The following ERG variants were observed in gnomAD, a reference collection of about 807,000 sequenced individuals.
The protein encoded by ERG is ETS transcription factor ERG.
ERG carries 9 observed loss-of-function variants against 55.3 expected under a neutral mutation model. The ratio of observed to expected loss-of-function variants is 0.16; its 90% CI spans 0.10 to 0.28. ERG has a LOEUF of 0.28. ERG is among the 10% of genes least tolerant of loss of function. The pLI, the probability that ERG is intolerant of heterozygous loss-of-function variation, is 1.00. For missense variants in ERG, 434 were observed against 631.6 expected (o/e 0.69, Z 3.35); for synonymous variants, 223 against 237.3 (o/e 0.94, Z 0.55).
At chr21:38,623,394 G>T (rs1474293885) in intron 1 of ERG, among the ~76,000 whole-genome samples, 4 of 151,846 alleles carry the variant, frequency 2.6e-5, no homozygotes, top group African/African-American at 9.7e-5. Context: ...TAAACATAAA[G>T]GAAATGAACA....
intron 2 of ERG, among the ~76,000 whole-genome samples, chr21:38,507,808 C>T (rs2059475122): frequency 6.6e-6 from 1 of 152,146 alleles, no homozygotes; most frequent in Non-Finnish European, 1.5e-5. Flanking sequence ...AAAGCACCAG[C>T]CAGTCCCTCA....
rs772324556 is a variant in ERG, at chr21:38,498,129, C to A, written c.18+234G>T. Among the ~76,000 whole-genome samples the A allele has an allele frequency of 1.3e-5, 2 of 152,300 alleles. No homozygotes were observed. The highest frequency in any genetic ancestry group is 1.9e-4 in the East Asian group (1 of 5,184). ...CTTTCCAAAAGTAATCCACAGCACT[C>A]AACAGTGAATTTAGAAACCCCAATT... On this transcript the variant is annotated intron_variant, in intron 1 of 9. Transcript: ENST00000288319. This position sits in a 1 kb window ranked among gnomAD's most constrained non-coding sequence, Gnocchi z 4.6.
intron 2 of ERG, among the ~76,000 whole-genome samples, chr21:38,424,125 G>C (rs1989686470): frequency 6.6e-6 from 1 of 151,944 alleles, no homozygotes; most frequent in Non-Finnish European, 1.5e-5. Context: ...ATGAGGTCAT[G>C]AGGGTAGAGT....
In ERG at chr21:38,382,568, C is replaced by A. The variant is rs1262298566; in HGVS notation, c.*835G>T. ...AACACTGGGTTTGGTATAACACTGA[C>A]TGCATGAACCCTCGAGTCTCCATAA... is the stretch of plus-strand genomic sequence containing the variant. On this transcript the variant is annotated 3_prime_UTR_variant, in exon 10 of 10. Transcript: ENST00000288319. 1 of 1,066,022 alleles carries A rather than the reference C, an allele frequency of 9.4e-7. No individual in the cohort carries two copies. Among genetic ancestry groups the A allele is most frequent in the East Asian group, 5.0e-5 (1 of 20,100 alleles). The allele number at this position is 1,066,022 out of a possible 1,614,324, so 66.0% of individuals were successfully genotyped here. A position where few individuals can be genotyped will look rare whatever the true frequency, so the allele number is the denominator to read the frequency against.
In ERG at chr21:38,423,115, G is replaced by GTGTA. The variant is rs1555896607; in HGVS notation, c.388+294_388+295insTACA. ...TGTGTGTGTGTGTGTGTGTGTGTGT[G>GTGTA]TGTGTGTGTATTTTTCTCTATGTGG... On this transcript the variant is annotated intron_variant, in intron 3 of 9. Transcript: ENST00000288319. 5.7e-3 allele frequency among the ~76,000 whole-genome samples: 862 copies of GTGTA among 151,212 alleles called. 18 individuals carry two copies. The highest frequency in any genetic ancestry group is 0.019 in the African/African-American group (775 of 40,756).
chr21:38,435,414 T>G (rs1398719407), intron 2 of ERG, among the ~76,000 whole-genome samples: 1 of 152,212 alleles, frequency 6.6e-6, no homozygotes, highest in African/African-American at 2.4e-5. Flanking sequence ...TCAGACCCCA[T>G]GGCTGGAGCA....
chr21:38,625,670 A>G (rs914794738), intron 1 of ERG, among the ~76,000 whole-genome samples: 1 of 152,210 alleles, frequency 6.6e-6, no homozygotes, highest in Non-Finnish European at 1.5e-5. Flanking sequence ...GTCCCAAGCC[A>G]GCCTGACTTC....
At chr21:38,405,192 T>C (rs944589074) in intron 3 of ERG, among the ~76,000 whole-genome samples, 2 of 152,202 alleles carry the variant, frequency 1.3e-5, no homozygotes, top group Non-Finnish European at 2.9e-5. Flanking sequence ...TATTTTAATA[T>C]TTTTACCATT....
intron 2 of ERG, among the ~76,000 whole-genome samples, chr21:38,426,044 C>A (rs192343275): frequency 1.3e-5 from 2 of 152,170 alleles, no homozygotes; most frequent in Non-Finnish European, 2.9e-5. Flanking sequence ...CTGCCATCTG[C>A]GGATGGAGGT....
chr21:38,394,631 C>T (rs1472768431), intron 6 of ERG, among the ~76,000 whole-genome samples: 3 of 152,146 alleles, frequency 2.0e-5, no homozygotes, highest in South Asian at 4.1e-4. Flanking sequence ...GGATTACAGG[C>T]GTGAGCCACC....
At chr21:38,612,956 C>T (rs35379792) in intron 1 of ERG, among the ~76,000 whole-genome samples, 7,345 of 152,176 alleles carry the variant, frequency 0.048, 572 homozygotes, top group African/African-American at 0.17. Flanking sequence ...CCACCATGCC[C>T]GGCCCTTTCT....
chr21:38,503,994 G>T (rs919835768), intron 2 of ERG, among the ~76,000 whole-genome samples: 2 of 152,188 alleles, frequency 1.3e-5, no homozygotes, highest in African/African-American at 2.4e-5. Context: ...AACTATGTGA[G>T]TATGTGTGTA....
At chr21:38,561,731 G>C (rs2146836520) in intron 2 of ERG, among the ~76,000 whole-genome samples, 1 of 152,220 alleles carries the variant, frequency 6.6e-6, no homozygotes, top group East Asian at 1.9e-4. Context: ...AGACTAATTT[G>C]AAGGTCCATA....
intron 1 of ERG, among the ~76,000 whole-genome samples, chr21:38,628,420 T>C (rs1010598799): frequency 6.6e-6 from 1 of 152,194 alleles, no homozygotes; most frequent in African/African-American, 2.4e-5. Flanking sequence ...TGAGCATTAA[T>C]GACTGATGGG....
At chr21:38,540,924 A>G (rs1020516155) in intron 2 of ERG, among the ~76,000 whole-genome samples, 5 of 152,166 alleles carry the variant, frequency 3.3e-5, no homozygotes, top group African/African-American at 1.2e-4. Flanking sequence ...ATGCAGCAGA[A>G]TCCATCAGGA....
chr21:38,640,280 T>G (rs1356879213), intron 1 of ERG, among the ~76,000 whole-genome samples: 1 of 152,294 alleles, frequency 6.6e-6, no homozygotes, highest in South Asian at 2.1e-4. Context: ...TATAATAATG[T>G]TACAAATGCA....
At position 38,460,280 on chromosome 21, in the gene ERG, C is replaced by T. The variant is rs1442117080; in HGVS notation, c.19-14659G>A. On this transcript the variant is annotated intron_variant, in intron 1 of 9. Transcript: ENST00000288319. The surrounding 1 kb of genome is among the most constrained non-coding windows in gnomAD (Gnocchi z 5.0). Reference sequence around the variant, plus strand: ...AAAGGCTGGGGGTGGTAGAGCCTTGCAGGCCATGGCAGGAACCTGGGTGTT... The same window carrying T: ...AAAGGCTGGGGGTGGTAGAGCCTTGTAGGCCATGGCAGGAACCTGGGTGTT... Among the ~76,000 whole-genome samples the T allele has an allele frequency of 6.6e-6, 1 of 152,138 alleles. No homozygotes were observed. Among genetic ancestry groups the T allele is most frequent in the Non-Finnish European group, 1.5e-5 (1 of 68,026 alleles).
intron 2 of ERG, among the ~76,000 whole-genome samples, chr21:38,543,737 C>CTT (rs542648278): frequency 0.3 from 40,227 of 133,276 alleles, 7,859 homozygotes; most frequent in Non-Finnish European, 0.43. Context: ...GTGAGAAACA[C>CTT]TTTTTTTTTT....
chr21:38,443,214 T>C (rs1601409717), intron 2 of ERG, among the ~76,000 whole-genome samples: 1 of 152,232 alleles, frequency 6.6e-6, no homozygotes, highest in East Asian at 1.9e-4. Context: ...CTTCGGAGGC[T>C]TGCTGAATCC....
Sources: allele counts gnomAD v4.1 joint callset (sites outside exome capture counted in the v4.1 genomes callset), GRCh38; gene constraint gnomAD v4.1.1; non-coding constraint Gnocchi (gnomAD v3.1); transcripts MANE v1.5; gene names NCBI Gene and HGNC (gene_info 2026-07-23, HGNC 2026-07-21).